Variants in SLC33A1 observed in about 807,000 individuals in gnomAD.
SLC33A1 encodes solute carrier family 33 member 1, also known as acetyl-coenzyme A transporter 1.
A neutral mutation model predicts 50.0 loss-of-function variants in SLC33A1; 20 were observed. The ratio of observed to expected loss-of-function variants is 0.40; its 90% confidence interval spans 0.28 to 0.58. The LOEUF (loss-of-function observed/expected upper bound fraction) is 0.58, where lower values mean the gene tolerates loss of function less well. Among genes scored for constraint, SLC33A1 ranks in the 20% least tolerant of loss-of-function variants. SLC33A1 has a pLI of 0.44. For missense variants in SLC33A1, 476 were observed against 657.0 expected, an observed-to-expected ratio of 0.72 and a Z score of 3.01; for synonymous variants, 265 against 251.8, an observed-to-expected ratio of 1.05 and a Z score of -0.50.
chr3:155,840,728 C>T (rs949827252), intron 2 of SLC33A1, among the ~76,000 whole-genome samples: 11 of 152,038 alleles, frequency 7.2e-5, no homozygotes, highest in African/African-American at 1.7e-4. Context: ...GCAGGAGAAC[C>T]GCTTGAACCC....
In SLC33A1 at chr3:155,842,810, A is replaced by T. The variant is rs1752983543; in HGVS notation, c.776-191T>A. 4 of 380,474 alleles carry T rather than the reference A, an allele frequency of 1.1e-5. No individual in the cohort carries two copies. In the Admixed American group the frequency reaches 1.8e-4, roughly 17 times the overall value. The allele number at this position is 380,474 out of a possible 1,614,324, so 23.6% of individuals were successfully genotyped here. A position where few individuals can be genotyped will look rare whatever the true frequency, so the allele number is the denominator to read the frequency against. ...GATTACTTGAACTCAGAAATTCAAG[A>T]CCAGCCTGGGCAACATAGTGGGACC... On this transcript the variant is annotated intron_variant, in intron 1 of 5. Coordinates refer to ENST00000643144, the MANE Select transcript of SLC33A1 (RefSeq NM_004733.4).
rs554855394 is a variant in SLC33A1, at chr3:155,824,726, C to G, written c.*3484G>C. On this transcript the variant is annotated 3_prime_UTR_variant, in exon 6 of 6. Transcript: ENST00000643144. ...CCATGATTTTTGGATCATGGCCCAT[C>G]CAAGATTTTACTCTGTTCAGAAAAA... 4 of 151,938 alleles carry G rather than the reference C, an allele frequency of 2.6e-5. No homozygotes were observed. Among genetic ancestry groups the G allele is most frequent in the African/African-American group, 9.7e-5 (4 of 41,400 alleles). 9.4% of individuals were successfully genotyped at this position (151,938 alleles called of 1,614,324 possible). A position where few individuals can be genotyped will look rare whatever the true frequency, so the allele number is the denominator to read the frequency against.
chr3:155,835,941 T>C (rs1752635855), intron 2 of SLC33A1, among the ~76,000 whole-genome samples: 1 of 152,034 alleles, frequency 6.6e-6, no homozygotes, highest in African/African-American at 2.4e-5. Flanking sequence ...CCTCAGGTAC[T>C]ACCCTAGACC....
intron 4 of SLC33A1, among the ~76,000 whole-genome samples, chr3:155,830,375 A>AAAAAATAAATAAAT: frequency 6.6e-6 from 1 of 151,868 alleles, no homozygotes. Flanking sequence ...TCAGTCTCAA[A>AAAAAATAAATAAAT]AAAAATAAAT....
intron 1 of SLC33A1, among the ~76,000 whole-genome samples, chr3:155,848,341 A>G (rs1251410356): frequency 6.6e-6 from 1 of 152,210 alleles, no homozygotes; most frequent in East Asian, 1.9e-4. Flanking sequence ...TGTTTGTAAA[A>G]TTAGGAAATA....
At chr3:155,845,408 C>A (rs1388004735) in intron 1 of SLC33A1, among the ~76,000 whole-genome samples, 2 of 152,136 alleles carry the variant, frequency 1.3e-5, no homozygotes, top group Admixed American at 6.6e-5. Context: ...CTCACTGCAG[C>A]CTTGACCTCC....
At position 155,833,933 on chromosome 3, in the gene SLC33A1, T is replaced by C; in HGVS notation, c.1072A>G (p.Ile358Val). 6.2e-7 allele frequency: 1 copy of C among 1,613,824 alleles called. No homozygotes were observed. Among genetic ancestry groups the C allele is most frequent in the Non-Finnish European group, 8.5e-7 (1 of 1,179,778 alleles). ...TATTTGCTGATAATCAGAGGCAGTA[T>C]TATCTGCAAAGGAACCATTGGAACT... ...LAVPMVPLQI[I>V]LPLIISKYTA... The change falls in exon 3 of 6, where the codon ATA (isoleucine) becomes GTA (valine). Residue 358 changes from isoleucine to valine, a missense_variant. Ile to Val is a conservative substitution (Grantham distance 29). Coordinates refer to ENST00000643144, the MANE Select transcript of SLC33A1 (RefSeq NM_004733.4).
intron 2 of SLC33A1, among the ~76,000 whole-genome samples, chr3:155,838,512 C>A (rs757436570): frequency 1.3e-5 from 2 of 151,112 alleles, no homozygotes; most frequent in Non-Finnish European, 2.9e-5. Context: ...AAAACCCTGT[C>A]TCTACCAAAA....
At chr3:155,831,457 CAAAAAAAA>C (rs397991448) in intron 4 of SLC33A1, among the ~76,000 whole-genome samples, 18 of 46,710 alleles carry the variant, frequency 3.9e-4, no homozygotes, top group Non-Finnish European at 6.5e-4. Context: ...GACTCTGTCT[CAAAAAAAA>C]AAAAAAAAAA....
intron 1 of SLC33A1, among the ~76,000 whole-genome samples, chr3:155,849,600 A>AAAAG (rs1753315967): frequency 6.7e-6 from 1 of 149,998 alleles, no homozygotes; most frequent in Non-Finnish European, 1.5e-5. Context: ...AAAAAAAAAA[A>AAAAG]GGGGCAATTC....
intron 2 of SLC33A1, among the ~76,000 whole-genome samples, chr3:155,836,347 A>G (rs955967435): frequency 2.7e-5 from 4 of 149,634 alleles, no homozygotes; most frequent in African/African-American, 7.4e-5. Context: ...AAGAAAAATT[A>G]TAAATAGTAT....
intron 2 of SLC33A1, among the ~76,000 whole-genome samples, chr3:155,837,782 T>C (rs1283525208): frequency 3.3e-5 from 5 of 152,326 alleles, no homozygotes; most frequent in African/African-American, 1.2e-4. Context: ...ATATATTGTA[T>C]AGTCCATTAA....
intron 3 of SLC33A1, 27 bp from the exon 4 acceptor site, chr3:155,833,612 C>CACAAAATTAGCTGGGCGTGGTGG: frequency 1.5e-6 from 2 of 1,327,054 alleles, no homozygotes; most frequent in Non-Finnish European, 2.2e-6. Context: ...ATTGAGTTGA[C>CACAAAATTAGCTGGGCGTGGTGG]TTCCATTTTA....
chr3:155,829,529 C>T (rs1752325331), intron 5 of SLC33A1, among the ~76,000 whole-genome samples, 159 bp downstream of exon 5: 2 of 152,120 alleles, frequency 1.3e-5, no homozygotes, highest in South Asian at 4.1e-4. Context: ...GATTATAACC[C>T]TCAGCCTTGA....
chr3:155,853,437 T>G lies in SLC33A1; in HGVS notation c.561A>C (p.Glu187Asp). The G allele has an allele frequency of 6.2e-7, 1 of 1,614,056 alleles. No individual in the cohort carries two copies. The highest frequency in any genetic ancestry group is 8.5e-7 in the Non-Finnish European group (1 of 1,180,040). ...IALTVAFFLF[E>D]FLAATQDIAV... ...CAATGTCCTGAGTGGCGGCCAAGAA[T>G]TCAAACAAAAAGAACGCCACAGTGA... The change falls in exon 1 of 6, where the codon GAA becomes GAC. Residue 187 changes from glutamate to aspartate, a missense_variant. Transcript: ENST00000643144.
intron 1 of SLC33A1, among the ~76,000 whole-genome samples, chr3:155,844,281 G>A (rs950981315): frequency 4.0e-5 from 6 of 151,686 alleles, no homozygotes; most frequent in Non-Finnish European, 8.8e-5. Flanking sequence ...ATTAAATACA[G>A]ACGAGGAAAA....
chr3:155,834,530 T>C (rs1021028735), intron 2 of SLC33A1, among the ~76,000 whole-genome samples: 2 of 152,168 alleles, frequency 1.3e-5, no homozygotes, highest in Non-Finnish European at 2.9e-5. Flanking sequence ...TGGGAAAACG[T>C]ATCTGAGAGA....
At position 155,829,728 on chromosome 3, in the gene SLC33A1, C is replaced by T; in HGVS notation, c.1442G>A (p.Gly481Glu). Reference protein sequence around the residue: ...VDPLTVKECVGASNQNCRTPD... With the variant: ...VDPLTVKECVEASNQNCRTPD... The stretch of plus-strand genomic sequence containing the variant: ...TGTTCGACAATTCTGGTTTGATGCT[C>T]CTACACACTCTTTTACTGTGAGGGG... Residue 481 changes from glycine (G) to glutamate (E), a missense_variant, in exon 5 of 6, where the codon GGA becomes GAA. Transcript: ENST00000643144. 1 of 1,614,050 alleles carries T rather than the reference C, an allele frequency of 6.2e-7. No homozygotes were observed. Among genetic ancestry groups the T allele is most frequent in the Non-Finnish European group, 8.5e-7 (1 of 1,179,986 alleles).
intron 2 of SLC33A1, among the ~76,000 whole-genome samples, chr3:155,834,382 A>C (rs1752570345): frequency 6.6e-6 from 1 of 152,226 alleles, no homozygotes; most frequent in Admixed American, 6.5e-5. Context: ...TAGGTTTAAA[A>C]GAACTTAAGC....
Sources: gnomAD v4.1 joint callset for allele counts (sites outside exome capture counted in the v4.1 genomes callset) on GRCh38, gnomAD v4.1.1 for gene constraint, MANE v1.5 for transcripts, NCBI Gene and HGNC (gene_info 2026-07-23, HGNC 2026-07-21) for gene names.